Variants in ATRNL1 observed in about 807,000 individuals in gnomAD.
The protein encoded by ATRNL1 is attractin like 1, also known as attractin-like protein 1.
A neutral mutation model predicts 182.7 loss-of-function variants in ATRNL1; 95 were observed. The observed-to-expected ratio is 0.52, with a 90% CI of 0.44 to 0.62. ATRNL1 has a LOEUF of 0.62. Ranked by LOEUF, ATRNL1 falls within the 20% of genes least tolerant of loss-of-function variation. The pLI is 0.00. For missense variants in ATRNL1, 1,471 were observed against 1,679.5 expected (o/e 0.88, Z 2.17); for synonymous variants, 576 against 568.3 (o/e 1.01, Z -0.19).
intron 18 of ATRNL1, among the ~76,000 whole-genome samples, chr10:115,321,099 T>C (rs191184423): frequency 6.6e-6 from 1 of 152,122 alleles, no homozygotes; most frequent in Non-Finnish European, 1.5e-5. Flanking sequence ...GGGCCTTTTT[T>C]TTGTTGTTGT....
chr10:115,947,143 A>G lies in ATRNL1; in HGVS notation c.*2364A>G, dbSNP rs1161196019. Reference sequence around the variant, plus strand: ...TATCAAAGCTTTTCACTGGCAGTAAATTCTTTGCCCTCAGGTGAAGTGGAT... The same window carrying G: ...TATCAAAGCTTTTCACTGGCAGTAAGTTCTTTGCCCTCAGGTGAAGTGGAT... On this transcript the variant is annotated 3_prime_UTR_variant, in exon 29 of 29. Coordinates refer to ENST00000355044, the MANE Select transcript of ATRNL1 (RefSeq NM_207303.4). 6.6e-6 allele frequency: 1 copy of G among 152,614 alleles called. No homozygotes were observed. The highest frequency in any genetic ancestry group is 2.1e-4 in the South Asian group (1 of 4,830). The allele number at this position is 152,614 out of a possible 1,614,324, so 9.5% of individuals were successfully genotyped here. A position where few individuals can be genotyped will look rare whatever the true frequency, so the allele number is the denominator to read the frequency against.
chr10:115,857,749 A>G (rs1951220495), intron 28 of ATRNL1, among the ~76,000 whole-genome samples: 2 of 152,244 alleles, frequency 1.3e-5, no homozygotes, highest in African/African-American at 4.8e-5. Flanking sequence ...ATGCTGCAGA[A>G]AAGAGTCAAC....
intron 27 of ATRNL1, among the ~76,000 whole-genome samples, chr10:115,765,648 C>G (rs2960696): frequency 6.6e-6 from 1 of 152,156 alleles, no homozygotes; most frequent in Non-Finnish European, 1.5e-5. Context: ...TTAATGAAGT[C>G]TAGTTTATCA....
At chr10:115,659,407 A>G (rs1033387293) in intron 26 of ATRNL1, among the ~76,000 whole-genome samples, 52 of 152,016 alleles carry the variant, frequency 3.4e-4, no homozygotes, top group African/African-American at 1.2e-3. Context: ...TAGCTCCTTT[A>G]TTCATTTCTT....
At chr10:115,254,571 T>C (rs1354758850) in intron 10 of ATRNL1, among the ~76,000 whole-genome samples, 1 of 152,306 alleles carries the variant, frequency 6.6e-6, no homozygotes, top group East Asian at 1.9e-4. Context: ...AAAAATTTTC[T>C]CCCATTCTGT....
At position 115,462,613 on chromosome 10, in the gene ATRNL1, A is replaced by T. The variant is rs187856505; in HGVS notation, c.3417+578A>T. Among the ~76,000 whole-genome samples, 193 of 152,244 alleles carry T rather than the reference A, an allele frequency of 1.3e-3. 2 individuals carry two copies. The highest frequency in any genetic ancestry group is 4.2e-3 in the African/African-American group (174 of 41,548). ...GCGACAGAGTGAGACTCCATCTCAAAAAATAAATAAATAAATAAAACTAAT... is the reference window on the plus strand; with the variant it reads ...GCGACAGAGTGAGACTCCATCTCAATAAATAAATAAATAAATAAAACTAAT... On this transcript the variant is annotated intron_variant, in intron 22 of 28. Transcript: ENST00000355044.
chr10:115,257,172 G>T (rs771738236), intron 10 of ATRNL1, among the ~76,000 whole-genome samples: 3 of 152,154 alleles, frequency 2.0e-5, no homozygotes, highest in East Asian at 3.8e-4. Flanking sequence ...CTGAGTTCAA[G>T]TCCTGGATAT....
At chr10:115,608,361 T>C (rs1592940327) in intron 26 of ATRNL1, among the ~76,000 whole-genome samples, 1 of 152,144 alleles carries the variant, frequency 6.6e-6, no homozygotes, top group South Asian at 2.1e-4. Flanking sequence ...TCCTCAAGAT[T>C]ATTAGAGCAA....
chr10:115,227,033 G>T (rs1402566001), intron 9 of ATRNL1, among the ~76,000 whole-genome samples: 1 of 151,898 alleles, frequency 6.6e-6, no homozygotes, highest in Admixed American at 6.6e-5. Context: ...TTTTGGCTAA[G>T]TCCCCAAAAG....
At chr10:115,707,382 A>G (rs1047626144) in intron 26 of ATRNL1, among the ~76,000 whole-genome samples, 1 of 151,732 alleles carries the variant, frequency 6.6e-6, no homozygotes, top group African/African-American at 2.4e-5. Flanking sequence ...GCATAAAGAT[A>G]TAGGTATAGA....
chr10:115,805,499 A>G (rs896055109), intron 27 of ATRNL1, among the ~76,000 whole-genome samples: 14 of 152,118 alleles, frequency 9.2e-5, no homozygotes, highest in Admixed American at 2.0e-4. Context: ...TATTAAATCA[A>G]ACATTTACTA....
At chr10:115,257,590 G>T (rs1455141207) in intron 10 of ATRNL1, among the ~76,000 whole-genome samples, 2 of 151,688 alleles carry the variant, frequency 1.3e-5, no homozygotes, top group South Asian at 4.2e-4. Flanking sequence ...TTTAATTGGG[G>T]CATTTAGCCC....
chr10:115,762,871 T>G (rs1047752479), intron 27 of ATRNL1, among the ~76,000 whole-genome samples: 29 of 152,128 alleles, frequency 1.9e-4, no homozygotes, highest in African/African-American at 3.1e-4. Context: ...TGTTGAAATA[T>G]CTTTATTCAT....
chr10:115,284,867 T>C (rs1254688936), intron 14 of ATRNL1, among the ~76,000 whole-genome samples: 9 of 152,212 alleles, frequency 5.9e-5, no homozygotes, highest in African/African-American at 1.9e-4. Context: ...TTCAACATTT[T>C]GTTATGAAAT....
intron 26 of ATRNL1, among the ~76,000 whole-genome samples, chr10:115,704,086 T>C (rs1029910844): frequency 2.6e-5 from 4 of 151,952 alleles, no homozygotes; most frequent in Non-Finnish European, 5.9e-5. Context: ...TTTTTAAACT[T>C]GAAAAAGTAT....
intron 20 of ATRNL1, among the ~76,000 whole-genome samples, chr10:115,410,081 TG>T (rs1845056794): frequency 1.3e-5 from 2 of 152,132 alleles, no homozygotes; most frequent in South Asian, 4.1e-4. Context: ...AAACCCCACT[TG>T]ATCTTAGTGT....
intron 26 of ATRNL1, among the ~76,000 whole-genome samples, chr10:115,667,299 C>T (rs569987545): frequency 5.9e-5 from 9 of 152,260 alleles, no homozygotes; most frequent in East Asian, 1.9e-4. Flanking sequence ...TGTGGTGTAA[C>T]GAACTATCTC....
chr10:115,666,239 A>G (rs975991449), intron 26 of ATRNL1, among the ~76,000 whole-genome samples: 3 of 152,212 alleles, frequency 2.0e-5, no homozygotes, highest in Admixed American at 6.5e-5. Context: ...CCAAGGTTTG[A>G]AAAACACTGA....
At chr10:115,184,563 A>C (rs1269466163) in intron 8 of ATRNL1, among the ~76,000 whole-genome samples, 5 of 151,780 alleles carry the variant, frequency 3.3e-5, no homozygotes, top group African/African-American at 1.2e-4. Flanking sequence ...TAAACCAGAA[A>C]ACAAGTATGT....
Sources: gnomAD v4.1 joint callset for allele counts (sites outside exome capture counted in the v4.1 genomes callset) on GRCh38, gnomAD v4.1.1 for gene constraint, MANE v1.5 for transcripts, NCBI Gene and HGNC (gene_info 2026-07-23, HGNC 2026-07-21) for gene names.